Variants in DNAH7 observed in about 807,000 individuals in gnomAD.
DNAH7 encodes dynein axonemal heavy chain 7, also known as axonemal beta dynein heavy chain 7.
A neutral mutation model predicts 444.6 loss-of-function variants in DNAH7; 397 were observed. That is an observed-to-expected ratio of 0.89 (90% CI 0.82 to 0.97). DNAH7 has a LOEUF of 0.97. Ranked by LOEUF, DNAH7 falls within the 50% of genes least tolerant of loss-of-function variation. The pLI is 0.00. For synonymous variants in DNAH7, 1,636 were observed against 1,624.4 expected, an observed-to-expected ratio of 1.01 and a Z score of -0.17; for missense variants, 4,902 against 4,800.8, an observed-to-expected ratio of 1.02 and a Z score of -0.62.
chr2:195,984,362 T>A (rs191074361), intron 15 of DNAH7, among the ~76,000 whole-genome samples: 73 of 152,306 alleles, frequency 4.8e-4, no homozygotes, highest in Admixed American at 7.2e-4. Context: ...TTATTTATTT[T>A]TTTTGAGACA....
chr2:196,041,190 T>C (rs986795974), intron 5 of DNAH7, among the ~76,000 whole-genome samples: 6 of 151,878 alleles, frequency 4.0e-5, no homozygotes, highest in Non-Finnish European at 8.8e-5. Flanking sequence ...TTCACAGACA[T>C]AGAAAAAACA....
At chr2:195,798,245 T>C (rs13382366) in intron 55 of DNAH7, among the ~76,000 whole-genome samples, 3,823 of 152,266 alleles carry the variant, frequency 0.025, 157 homozygotes, top group African/African-American at 0.086. Flanking sequence ...ATCTGTATAA[T>C]AGAGATACCA....
At chr2:195,984,358 A>T (rs909346784) in intron 15 of DNAH7, among the ~76,000 whole-genome samples, 12 of 151,570 alleles carry the variant, frequency 7.9e-5, no homozygotes, top group African/African-American at 1.5e-4. Flanking sequence ...TTATTTATTT[A>T]TTTTTTTTGA....
chr2:195,794,235 C>T, intron 57 of DNAH7, 103 bp downstream of exon 57: 4 of 988,094 alleles, frequency 4.0e-6, no homozygotes, highest in South Asian at 1.4e-5. Flanking sequence ...GTGCAGGAGG[C>T]CTATTTAATT....
rs1332449559 is a variant in DNAH7, at chr2:195,746,174, CAAAA to C, written c.11765-5309_11765-5306del. Among the ~76,000 whole-genome samples the C allele has an allele frequency of 3.3e-5, 5 of 151,224 alleles. No individual in the cohort carries two copies. In the East Asian group the frequency reaches 9.7e-4, roughly 29 times the overall value. Reference sequence around the variant, plus strand: ...GAAGATCTACCAAGCAAATGGAAAACAAAAAAAGGCAGGGGTTGCAATCCTAGTC... The same window carrying C: ...GAAGATCTACCAAGCAAATGGAAAACAAAGGCAGGGGTTGCAATCCTAGTC... On this transcript the variant is annotated intron_variant, in intron 63 of 64. Coordinates refer to ENST00000312428, the MANE Select transcript of DNAH7 (RefSeq NM_018897.3).
At chr2:196,025,556 G>C (rs1695630644) in intron 7 of DNAH7, among the ~76,000 whole-genome samples, 1 of 152,048 alleles carries the variant, frequency 6.6e-6, no homozygotes, top group South Asian at 2.1e-4. Flanking sequence ...CCATTTCCTA[G>C]GCCAAGCATG....
intron 23 of DNAH7, among the ~76,000 whole-genome samples, chr2:195,922,948 G>C (rs149369672): frequency 0.017 from 2,565 of 151,934 alleles, 68 homozygotes; most frequent in African/African-American, 0.058. Flanking sequence ...TGCAACCTCT[G>C]CCTCCTGGGG....
intron 1 of DNAH7, among the ~76,000 whole-genome samples, chr2:196,067,844 G>A (rs1698511929): frequency 6.6e-6 from 1 of 152,170 alleles, no homozygotes; most frequent in African/African-American, 2.4e-5. Context: ...TCTTCCAGGA[G>A]GTTTATAGAG....
intron 11 of DNAH7, 132 bp downstream of exon 11, chr2:196,001,543 T>C (rs1694035333): frequency 1.2e-6 from 1 of 850,224 alleles, no homozygotes; most frequent in South Asian, 4.1e-5. Context: ...AATTTTTTCT[T>C]TTAAGATAAG....
intron 24 of DNAH7, among the ~76,000 whole-genome samples, chr2:195,920,834 A>G (rs553323602): frequency 6.6e-6 from 1 of 152,344 alleles, no homozygotes; most frequent in Non-Finnish European, 1.5e-5. Context: ...ACAAAGAACT[A>G]ATATCCAGAA....
intron 21 of DNAH7, among the ~76,000 whole-genome samples, chr2:195,930,311 C>T (rs1338154423): frequency 6.6e-6 from 1 of 151,878 alleles, no homozygotes; most frequent in Non-Finnish European, 1.5e-5. Flanking sequence ...CACTGCACTC[C>T]AGCCTGGTGA....
chr2:195,844,068 C>G (rs904723426), intron 47 of DNAH7, among the ~76,000 whole-genome samples: 1 of 151,732 alleles, frequency 6.6e-6, no homozygotes, highest in African/African-American at 2.4e-5. Flanking sequence ...TGCACTCCAG[C>G]CTGGGCAACG....
chr2:195,991,866 CA>C (rs1246781779), intron 12 of DNAH7, among the ~76,000 whole-genome samples: 6 of 152,060 alleles, frequency 3.9e-5, no homozygotes, highest in Non-Finnish European at 8.8e-5. Flanking sequence ...GATACTAAGT[CA>C]AAAAGAAAAT....
chr2:195,987,831 C>T, intron 13 of DNAH7, 126 bp downstream of exon 13: 2 of 943,652 alleles, frequency 2.1e-6, no homozygotes, highest in East Asian at 2.6e-5. Context: ...ACATCAGAAG[C>T]TCAATAAATA....
intron 51 of DNAH7, among the ~76,000 whole-genome samples, chr2:195,814,944 G>A (rs892184733): frequency 1.3e-5 from 2 of 151,850 alleles, no homozygotes; most frequent in Non-Finnish European, 2.9e-5. Context: ...GTTTTGCCAT[G>A]TTGTCCAGGC....
At chr2:195,765,031 A>C (rs1694509205) in intron 61 of DNAH7, among the ~76,000 whole-genome samples, 1 of 152,166 alleles carries the variant, frequency 6.6e-6, no homozygotes, top group South Asian at 2.1e-4. Flanking sequence ...ACTGGCATAA[A>C]AACAGACACA....
intron 22 of DNAH7, among the ~76,000 whole-genome samples, chr2:195,924,172 A>G (rs1688194460): frequency 6.6e-6 from 1 of 152,132 alleles, no homozygotes; most frequent in Non-Finnish European, 1.5e-5. Flanking sequence ...ACTGCTATAT[A>G]GATTGAGAGA....
intron 45 of DNAH7, among the ~76,000 whole-genome samples, chr2:195,855,152 G>A (rs1413151191): frequency 6.6e-6 from 1 of 152,174 alleles, no homozygotes; most frequent in Non-Finnish European, 1.5e-5. Context: ...AGAATAAATA[G>A]TATAATATGT....
intron 39 of DNAH7, among the ~76,000 whole-genome samples, chr2:195,872,913 TA>T (rs1248537934): frequency 6.6e-6 from 1 of 151,036 alleles, no homozygotes; most frequent in African/African-American, 2.4e-5. Context: ...TTAAAATACG[TA>T]AAAAAAATAA....
Sources: allele counts gnomAD v4.1 joint callset (sites outside exome capture counted in the v4.1 genomes callset), GRCh38; gene constraint gnomAD v4.1.1; transcripts MANE v1.5; gene names NCBI Gene and HGNC (gene_info 2026-07-23, HGNC 2026-07-21).